DOK6: variants seen among roughly 807,000 people sequenced by gnomAD.
DOK6 encodes docking protein 6, also known as downstream of tyrosine kinase 6.
A neutral mutation model predicts 44.0 loss-of-function variants in DOK6; 22 were observed. The observed-to-expected ratio is 0.50, with a 90% CI of 0.36 to 0.71. The LOEUF (loss-of-function observed/expected upper bound fraction) is 0.71. DOK6 is among the 30% of genes least tolerant of loss of function. The pLI, the probability that DOK6 is intolerant of heterozygous loss-of-function variation, is 0.00. For missense variants in DOK6, 340 were observed against 416.4 expected, an observed-to-expected ratio of 0.82 and a Z score of 1.60; for synonymous variants, 166 against 145.5, an observed-to-expected ratio of 1.14 and a Z score of -1.01.
At chr18:69,564,442 C>G (rs1982920587) in intron 1 of DOK6, 45 bp from the exon 2 acceptor site, 1 of 1,559,032 alleles carries the variant, frequency 6.4e-7, no homozygotes, top group African/African-American at 1.4e-5. Flanking sequence ...ATGTCGTAAA[C>G]TCATGTAAAA....
intron 1 of DOK6, among the ~76,000 whole-genome samples, chr18:69,558,142 T>G (rs1037509348): frequency 6.6e-6 from 1 of 152,140 alleles, no homozygotes; most frequent in Non-Finnish European, 1.5e-5. Context: ...GGGCAGTCAT[T>G]TCTGCTGTTC....
chr18:69,828,849 T>C (rs1038556897), intron 7 of DOK6, among the ~76,000 whole-genome samples: 6 of 142,512 alleles, frequency 4.2e-5, no homozygotes, highest in Non-Finnish European at 7.8e-5. Flanking sequence ...AGCTTTGAGA[T>C]GAAAGTCCCA....
intron 1 of DOK6, among the ~76,000 whole-genome samples, chr18:69,496,633 C>T (rs1205009981): frequency 6.6e-6 from 1 of 152,200 alleles, no homozygotes; most frequent in African/African-American, 2.4e-5. Flanking sequence ...TTCCTCTAAA[C>T]CCATTTCATA....
At chr18:69,731,784 C>T (rs1268782495) in intron 5 of DOK6, among the ~76,000 whole-genome samples, 7 of 152,116 alleles carry the variant, frequency 4.6e-5, no homozygotes, top group Non-Finnish European at 1.5e-5. Context: ...CTGTCCCAAT[C>T]GTAACATGGC....
At chr18:69,818,983 T>C (rs556862534) in intron 7 of DOK6, among the ~76,000 whole-genome samples, 1 of 152,318 alleles carries the variant, frequency 6.6e-6, no homozygotes, top group East Asian at 1.9e-4. Context: ...TTTTTTAAAA[T>C]ACGGTGAAAA....
At chr18:69,610,589 A>G (rs1159939685) in intron 3 of DOK6, among the ~76,000 whole-genome samples, 3 of 152,218 alleles carry the variant, frequency 2.0e-5, no homozygotes, top group African/African-American at 7.2e-5. Context: ...GCAACCACCC[A>G]AGAAGTATAT....
chr18:69,839,589 A>C (rs191114045), intron 7 of DOK6, among the ~76,000 whole-genome samples: 1 of 152,340 alleles, frequency 6.6e-6, no homozygotes. Context: ...AGATTAAAAG[A>C]ATTTGATGAG....
intron 2 of DOK6, among the ~76,000 whole-genome samples, chr18:69,574,808 C>T (rs35583183): frequency 0.17 from 26,264 of 151,886 alleles, 2,887 homozygotes; most frequent in Middle Eastern, 0.28. Context: ...GAAAAAAATC[C>T]ATTTTTGTGG....
At chr18:69,739,216 C>T in intron 6 of DOK6, 113 bp downstream of exon 6, 1 of 1,424,062 alleles carries the variant, frequency 7.0e-7, no homozygotes, top group African/African-American at 1.4e-5. Context: ...TCCACCCTGC[C>T]CTGATCCTGA....
chr18:69,416,988 T>C lies in DOK6; in HGVS notation c.66+15678T>C, dbSNP rs1470251881. Among the ~76,000 whole-genome samples the C allele has an allele frequency of 2.6e-5, 4 of 152,330 alleles. No individual in the cohort carries two copies. The East Asian group carries it at 7.7e-4, about 29-fold the overall frequency. ...GTCCATATTTATGGAATACATGTAA[T>C]ATTTTGATACAATAATGCAATGTAT... is the stretch of plus-strand genomic sequence containing the variant. On this transcript the variant is annotated intron_variant, in intron 1 of 7. Transcript: ENST00000382713.
chr18:69,514,374 C>G (rs1230024544), intron 1 of DOK6, among the ~76,000 whole-genome samples: 1 of 152,122 alleles, frequency 6.6e-6, no homozygotes, highest in African/African-American at 2.4e-5. Context: ...CGTACTATAT[C>G]GATTTTCAAA....
intron 1 of DOK6, among the ~76,000 whole-genome samples, chr18:69,555,376 G>A (rs1003600173): frequency 5.9e-5 from 9 of 152,096 alleles, no homozygotes; most frequent in African/African-American, 2.2e-4. Context: ...TGAAATAGGT[G>A]TAGTCTTTTT....
At chr18:69,574,971 C>T (rs188412434) in intron 2 of DOK6, among the ~76,000 whole-genome samples, 16 of 152,154 alleles carry the variant, frequency 1.1e-4, no homozygotes, top group African/African-American at 3.4e-4. Context: ...AGGTGACGTT[C>T]TCCAGGCACA....
intron 7 of DOK6, among the ~76,000 whole-genome samples, chr18:69,821,805 A>G (rs1981582691): frequency 6.6e-6 from 1 of 151,724 alleles, no homozygotes; most frequent in Admixed American, 6.6e-5. Context: ...TTTTTAAAAA[A>G]AATCCTTTGA....
chr18:69,587,611 C>T (rs1208013546), intron 2 of DOK6, among the ~76,000 whole-genome samples: 4 of 152,120 alleles, frequency 2.6e-5, no homozygotes, highest in African/African-American at 9.7e-5. Context: ...TTAAGTTTGT[C>T]CATCTGCTAG....
At chr18:69,655,584 C>T (rs145853675) in intron 3 of DOK6, among the ~76,000 whole-genome samples, 2,627 of 151,622 alleles carry the variant, frequency 0.017, 95 homozygotes, top group East Asian at 0.13. Context: ...GAAACCCTGT[C>T]TCTACTAAAA....
Position 69,487,227 on chromosome 18 carries a change from CTGTGTG to C in DOK6, c.67-77248_67-77243del, listed in dbSNP as rs150469904. Among the ~76,000 whole-genome samples, 20 of 125,106 alleles carry C rather than the reference CTGTGTG, an allele frequency of 1.6e-4. No individual in the cohort carries two copies. The Admixed American group carries it at 1.6e-3, about 10-fold the overall frequency. The allele number at this position is 125,106 out of a possible 152,430, so 82.1% of individuals were successfully genotyped here. A position where few individuals can be genotyped will look rare whatever the true frequency, so the allele number is the denominator to read the frequency against. On this transcript the variant is annotated intron_variant, in intron 1 of 7. Coordinates refer to ENST00000382713, the MANE Select transcript of DOK6 (RefSeq NM_152721.6). Reference sequence around the variant, plus strand: ...TGTGTGTGTGTGTGTGTGTGTCTGTCTGTGTGTGTGTGTGTGTTGGGGGGTATCAGC... The same window carrying C: ...TGTGTGTGTGTGTGTGTGTGTCTGTCTGTGTGTGTGTTGGGGGGTATCAGC...
chr18:69,704,134 C>T (rs529800665), intron 5 of DOK6, among the ~76,000 whole-genome samples: 2 of 152,288 alleles, frequency 1.3e-5, no homozygotes, highest in South Asian at 2.1e-4. Flanking sequence ...TTTCTTATGG[C>T]AGCCTGCGCT....
chr18:69,484,643 G>A (rs2144533917), intron 1 of DOK6, among the ~76,000 whole-genome samples: 1 of 152,182 alleles, frequency 6.6e-6, no homozygotes, highest in Non-Finnish European at 1.5e-5. Context: ...TTTTGAGTGT[G>A]TTTCTATTGA....
Sources: gnomAD v4.1 joint callset for allele counts (sites outside exome capture counted in the v4.1 genomes callset) on GRCh38, gnomAD v4.1.1 for gene constraint, MANE v1.5 for transcripts, NCBI Gene and HGNC (gene_info 2026-07-23, HGNC 2026-07-21) for gene names.